Variants in CASK observed in about 807,000 individuals in gnomAD.
The protein encoded by CASK is peripheral plasma membrane protein CASK.
A neutral mutation model predicts 82.9 loss-of-function variants in CASK; 4 were observed. The ratio of observed to expected loss-of-function variants is 0.05; its 90% CI spans 0.02 to 0.11. The LOEUF (loss-of-function observed/expected upper bound fraction) is 0.11, where lower values mean the gene tolerates loss of function less well. Ranked by LOEUF, CASK falls within the 10% of genes least tolerant of loss-of-function variation. CASK has a pLI of 1.00. For synonymous variants in CASK, 259 were observed against 253.5 expected (o/e 1.02, Z -0.20); for missense variants, 358 against 720.9 (o/e 0.50, Z 5.76).
chrX:41,798,485 G>C (rs1013270090), intron 2 of CASK, among the ~76,000 whole-genome samples: 11 of 112,763 alleles, frequency 9.8e-5, no homozygotes, highest in African/African-American at 2.9e-4. Context: ...AGGGGCAGAT[G>C]ATGCTCATGT....
chrX:41,899,090 T>C (rs1384459262), intron 1 of CASK, among the ~76,000 whole-genome samples: 1 of 111,881 alleles, frequency 8.9e-6, no homozygotes, highest in African/African-American at 3.2e-5. Flanking sequence ...TATATGTAAA[T>C]GTTCTGATGT....
chrX:41,811,759 A>G (rs1454968852), intron 2 of CASK, among the ~76,000 whole-genome samples: 1 of 112,032 alleles, frequency 8.9e-6, no homozygotes, highest in Admixed American at 9.5e-5. Flanking sequence ...TAAAGGAAAT[A>G]GAGACATAAA....
At chrX:41,859,213 G>A (rs970926760) in intron 1 of CASK, among the ~76,000 whole-genome samples, 1 of 111,212 alleles carries the variant, frequency 9.0e-6, no homozygotes, top group Admixed American at 9.6e-5. Flanking sequence ...TAGGAAAACC[G>A]TGAATGATTT....
chrX:41,538,350 C>T (rs1602230533), intron 22 of CASK, among the ~76,000 whole-genome samples: 1 of 111,654 alleles, frequency 9.0e-6, no homozygotes, highest in Non-Finnish European at 1.9e-5. Context: ...TAGAGTATTT[C>T]GGGGCTCTAA....
At chrX:41,611,613 C>T (rs1453175522) in intron 11 of CASK, among the ~76,000 whole-genome samples, 1 of 78,742 alleles carries the variant, frequency 1.3e-5, no homozygotes, top group Non-Finnish European at 2.6e-5. Flanking sequence ...CCCTCTCCCT[C>T]TCCCTCTCCC....
intron 1 of CASK, among the ~76,000 whole-genome samples, chrX:41,914,232 T>C (rs1474015406): frequency 8.9e-6 from 1 of 112,126 alleles, no homozygotes; most frequent in Non-Finnish European, 1.9e-5. Context: ...TTAAACTACA[T>C]GAGAGACAGA....
At chrX:41,545,921 A>C (rs2065016823) in intron 21 of CASK, among the ~76,000 whole-genome samples, 1 of 108,653 alleles carries the variant, frequency 9.2e-6, no homozygotes, top group South Asian at 4.1e-4. Context: ...TCCTGGGTGC[A>C]AGTGATCCTT....
At position 41,653,530 on chromosome X, in the gene CASK, C is replaced by A. The variant is rs181297937; in HGVS notation, c.831+6909G>T. On this transcript the variant is annotated intron_variant, in intron 8 of 26. Coordinates refer to ENST00000378163, the MANE Select transcript of CASK (RefSeq NM_001367721.1). Reference sequence around the variant, plus strand: ...GCTGGATGAGGCCTTGATGCTAGACCAAGCTCAGATTTCAGTCTATCTGAG... The same window carrying A: ...GCTGGATGAGGCCTTGATGCTAGACAAAGCTCAGATTTCAGTCTATCTGAG... Among the ~76,000 whole-genome samples the A allele has an allele frequency of 1.5e-4, 17 of 111,771 alleles. No individual in the cohort carries two copies. The East Asian group carries it at 4.8e-3, about 32-fold the overall frequency.
At chrX:41,873,283 C>CAA (rs1175165867) in intron 1 of CASK, among the ~76,000 whole-genome samples, 1,933 of 28,483 alleles carry the variant, frequency 0.068, 4 homozygotes, top group East Asian at 0.095. Flanking sequence ...TTCTTCCTCA[C>CAA]AAAAAAAAAA....
At chrX:41,876,203 A>G (rs954791436) in intron 1 of CASK, among the ~76,000 whole-genome samples, 21 of 111,413 alleles carry the variant, frequency 1.9e-4, no homozygotes, top group Non-Finnish European at 1.1e-4. Context: ...TACTTACTAT[A>G]TGCCAGTCAT....
At chrX:41,582,478 G>C (rs771305513) in intron 14 of CASK, among the ~76,000 whole-genome samples, 1 of 110,703 alleles carries the variant, frequency 9.0e-6, no homozygotes, top group African/African-American at 3.3e-5. Flanking sequence ...ACCATGCCTG[G>C]CTAATTTTTG....
rs1346373292 is a variant in CASK, at chrX:41,758,825, T to C, written c.279-13224A>G. On this transcript the variant is annotated intron_variant, in intron 3 of 26. Coordinates refer to ENST00000378163, the MANE Select transcript of CASK (RefSeq NM_001367721.1). ...CAATGGAGAAAGGGAATATTCACTG[T>C]TTAATAAAGCAATTCTGATATACTG... is the stretch of plus-strand genomic sequence containing the variant. Among the ~76,000 whole-genome samples the C allele has an allele frequency of 3.6e-5, 4 of 112,490 alleles. No individual in the cohort carries two copies. The Admixed American group carries it at 3.8e-4, about 11-fold the overall frequency.
intron 1 of CASK, among the ~76,000 whole-genome samples, chrX:41,917,037 C>G (rs1282521267): frequency 8.9e-6 from 1 of 112,045 alleles, no homozygotes; most frequent in Non-Finnish European, 1.9e-5. Flanking sequence ...TATATGGAAC[C>G]TCTACTGAAG....
intron 3 of CASK, among the ~76,000 whole-genome samples, chrX:41,757,518 G>A (rs1313076391): frequency 8.9e-6 from 1 of 112,110 alleles, no homozygotes; most frequent in Non-Finnish European, 1.9e-5. Flanking sequence ...GTTTGTTTGT[G>A]TGTACGTATG....
At chrX:41,711,261 A>G (rs1569413360) in intron 5 of CASK, among the ~76,000 whole-genome samples, 1 of 112,597 alleles carries the variant, frequency 8.9e-6, no homozygotes, top group East Asian at 2.8e-4. Context: ...GCTGGTGTCA[A>G]CTGCAGAATT....
At position 41,538,476 on chromosome X, in the gene CASK, G is replaced by C. The variant is rs772325872; in HGVS notation, c.2156-3503C>G. Among the ~76,000 whole-genome samples the C allele has an allele frequency of 3.6e-5, 4 of 111,821 alleles. No homozygotes were observed. In the East Asian group the frequency reaches 1.1e-3, roughly 31 times the overall value. ...GGGCTGAGGAATCTCAATGCCTCTA[G>C]AGTTCAGTTGTTCCAGCCACACCAC... On this transcript the variant is annotated intron_variant, in intron 22 of 26. Coordinates refer to ENST00000378163, the MANE Select transcript of CASK (RefSeq NM_001367721.1).
At chrX:41,712,758 C>T (rs1335379245) in intron 5 of CASK, among the ~76,000 whole-genome samples, 2 of 112,579 alleles carry the variant, frequency 1.8e-5, no homozygotes, top group African/African-American at 6.5e-5. Flanking sequence ...TTGCAACTTA[C>T]ATCACTATCG....
intron 5 of CASK, among the ~76,000 whole-genome samples, chrX:41,724,945 G>A (rs767427426): frequency 8.9e-6 from 1 of 112,129 alleles, no homozygotes; most frequent in Non-Finnish European, 1.9e-5. Flanking sequence ...AAAACCTACT[G>A]TGAGCAGATA....
chrX:41,749,446 C>T (rs2068751803), intron 3 of CASK, among the ~76,000 whole-genome samples: 1 of 82,707 alleles, frequency 1.2e-5, no homozygotes, highest in African/African-American at 4.7e-5. Context: ...AGTGCAGTGG[C>T]GCCATCTCAG....
Sources: allele counts gnomAD v4.1 joint callset (sites outside exome capture counted in the v4.1 genomes callset), GRCh38; gene constraint gnomAD v4.1.1; transcripts MANE v1.5; gene names NCBI Gene and HGNC (gene_info 2026-07-23, HGNC 2026-07-21).